The following CDC27 variants were observed in gnomAD, a reference collection of about 807,000 sequenced individuals.
CDC27 encodes cell division cycle protein 27 homolog.
CDC27 carries 27 observed loss-of-function variants against 109.7 expected under a neutral mutation model. That is an observed-to-expected ratio of 0.25 (90% confidence interval 0.18 to 0.34). The LOEUF is 0.34. CDC27 is among the 10% of genes least tolerant of loss of function. The probability of loss-of-function intolerance (pLI) is 1.00; values close to 1 mark genes in which losing one functional copy is unlikely to be tolerated. For synonymous variants in CDC27, 266 were observed against 333.9 expected (o/e 0.80, Z 2.22); for missense variants, 579 against 960.2 (o/e 0.60, Z 5.25).
chr17:47,154,579 T>C, intron 8 of CDC27, 93 bp downstream of exon 8: 1 of 669,642 alleles, frequency 1.5e-6, no homozygotes. Flanking sequence ...AGCAATTACA[T>C]AAAGTAAGAT....
intron 6 of CDC27, 49 bp from the exon 7 acceptor site, chr17:47,157,173 C>T (rs1289527875): frequency 6.5e-7 from 1 of 1,548,714 alleles, no homozygotes; most frequent in Non-Finnish European, 8.8e-7. Context: ...TTATTTAGTT[C>T]AGATCATTCT....
At chr17:47,158,371 T>C in intron 4 of CDC27, 68 bp from the exon 5 acceptor site, 1 of 713,828 alleles carries the variant, frequency 1.4e-6, no homozygotes, top group Non-Finnish European at 2.1e-6. Context: ...ACTTTTAGTA[T>C]AAAAAATTAG....
At chr17:47,147,485 G>A (rs2063004745) in intron 9 of CDC27, among the ~76,000 whole-genome samples, 1 of 150,736 alleles carries the variant, frequency 6.6e-6, no homozygotes, top group Non-Finnish European at 1.5e-5. Flanking sequence ...ACAATGAAGA[G>A]GAAAAGTAAT....
intron 8 of CDC27, among the ~76,000 whole-genome samples, chr17:47,154,358 ATTT>A (rs1364281836): frequency 6.6e-6 from 1 of 152,176 alleles, no homozygotes; most frequent in African/African-American, 2.4e-5. Flanking sequence ...AACAATATTA[ATTT>A]TGTTTTTTAA....
chr17:47,144,024 A>ACC, intron 9 of CDC27, 42 bp from the exon 10 acceptor site: 1 of 778,484 alleles, frequency 1.3e-6, no homozygotes, highest in Non-Finnish European at 1.9e-6. Context: ...ATTTTACTTG[A>ACC]TTTATGACCA....
At position 47,120,788 on chromosome 17, in the gene CDC27, T is replaced by A. The variant is rs529040551; in HGVS notation, c.*147A>T. ...GCACTGCCTTTCATTCTGTATACAG[T>A]CAGGGTCCAATGAAAGTGGCACACT... On this transcript the variant is annotated 3_prime_UTR_variant, in exon 19 of 19. Transcript: ENST00000066544. The A allele has an allele frequency of 1.5e-4, 96 of 620,114 alleles. 2 individuals are homozygous for A. The South Asian group carries it at 1.8e-3, about 12-fold the overall frequency. 38.4% of individuals were successfully genotyped at this position (620,114 alleles called of 1,614,324 possible). A position where few individuals can be genotyped will look rare whatever the true frequency, so the allele number is the denominator to read the frequency against.
At chr17:47,133,589 G>A (rs561758500) in intron 14 of CDC27, among the ~76,000 whole-genome samples, 46 of 150,080 alleles carry the variant, frequency 3.1e-4, no homozygotes, top group African/African-American at 1.1e-3. Context: ...ACAGGCATGC[G>A]CCACCACACC....
At chr17:47,185,333 C>T (rs2149016825) in intron 1 of CDC27, among the ~76,000 whole-genome samples, 1 of 152,160 alleles carries the variant, frequency 6.6e-6, no homozygotes, top group Non-Finnish European at 1.5e-5. Context: ...TGCCTGCCAC[C>T]ATGCCCGGCT....
intron 16 of CDC27, 101 bp downstream of exon 16, chr17:47,129,292 C>T: frequency 1.1e-6 from 1 of 924,868 alleles, no homozygotes; most frequent in Non-Finnish European, 1.6e-6. Flanking sequence ...AAAAATGTCT[C>T]AGATCAAAAT....
At chr17:47,127,169 G>A (rs1337926824) in intron 16 of CDC27, among the ~76,000 whole-genome samples, 1 of 152,072 alleles carries the variant, frequency 6.6e-6, no homozygotes, top group Non-Finnish European at 1.5e-5. Context: ...TGTAGTCCTG[G>A]GTACAAGGAA....
chr17:47,118,568 T>C lies in CDC27; in HGVS notation c.*2367A>G, dbSNP rs879094621. 3 of 152,590 alleles carry C rather than the reference T, an allele frequency of 2.0e-5. No homozygotes were observed. The South Asian group carries it at 6.2e-4, about 32-fold the overall frequency. The allele number at this position is 152,590 out of a possible 1,614,324, so 9.5% of individuals were successfully genotyped here. On this transcript the variant is annotated 3_prime_UTR_variant, in exon 19 of 19. Transcript: ENST00000066544. ...ATAAAAGTCATGGCAAAAACCACAA[T>C]TACTTATGCACCAACCTAATATATG...
intron 4 of CDC27, among the ~76,000 whole-genome samples, chr17:47,163,070 G>A (rs536972282): frequency 6.6e-6 from 1 of 152,102 alleles, no homozygotes; most frequent in Non-Finnish European, 1.5e-5. Context: ...AAAATTGAGT[G>A]ATACACACAA....
rs1023660502 is a variant in CDC27, at chr17:47,120,697, A to G, written c.*238T>C. Reference sequence around the variant, plus strand: ...AGAAAAACAGAAAAGAAAGTTCCCCACCCTACCCCCCATAAATTGTCATTC... The same window carrying G: ...AGAAAAACAGAAAAGAAAGTTCCCCGCCCTACCCCCCATAAATTGTCATTC... On this transcript the variant is annotated 3_prime_UTR_variant, in exon 19 of 19. Transcript: ENST00000066544. 2.0e-5 allele frequency: 8 copies of G among 395,664 alleles called. No homozygotes were observed. The highest frequency in any genetic ancestry group is 3.2e-5 in the Non-Finnish European group (7 of 221,126). 24.5% of individuals were successfully genotyped at this position (395,664 alleles called of 1,614,324 possible).
chr17:47,135,380 T>C (rs1383275455), intron 14 of CDC27, among the ~76,000 whole-genome samples: 1 of 152,020 alleles, frequency 6.6e-6, no homozygotes, highest in East Asian at 1.9e-4. Context: ...ATGGTTTATA[T>C]TACGGAGACT....
At chr17:47,132,987 G>GCA (rs2062401537) in intron 14 of CDC27, among the ~76,000 whole-genome samples, 1 of 48,614 alleles carries the variant, frequency 2.1e-5, no homozygotes, top group Non-Finnish European at 3.8e-5. Context: ...TTGCCCAGGC[G>GCA]CATATATATA....
chr17:47,164,486 T>C (rs1047593397), intron 4 of CDC27, among the ~76,000 whole-genome samples: 14 of 152,220 alleles, frequency 9.2e-5, no homozygotes, highest in African/African-American at 3.1e-4. Context: ...ATAACCATAG[T>C]ACAGTTATCA....
At chr17:47,184,498 G>A (rs1314387966) in intron 1 of CDC27, among the ~76,000 whole-genome samples, 1 of 152,034 alleles carries the variant, frequency 6.6e-6, no homozygotes, top group African/African-American at 2.4e-5. Context: ...AAAAGTCCTA[G>A]AGCTTTGAAA....
intron 4 of CDC27, among the ~76,000 whole-genome samples, chr17:47,160,427 G>C (rs2063464844): frequency 6.6e-6 from 1 of 151,990 alleles, no homozygotes; most frequent in Non-Finnish European, 1.5e-5. Flanking sequence ...GGTTTCACCA[G>C]GTTGGCCAGG....
chr17:47,134,793 T>C, intron 14 of CDC27, among the ~76,000 whole-genome samples: 1 of 150,654 alleles, frequency 6.6e-6, no homozygotes, highest in African/African-American at 2.4e-5. Flanking sequence ...TTCTTTTTTT[T>C]TTTTTTTTTT....
Sources: allele counts gnomAD v4.1 joint callset (sites outside exome capture counted in the v4.1 genomes callset), GRCh38; gene constraint gnomAD v4.1.1; transcripts MANE v1.5; gene names NCBI Gene and HGNC (gene_info 2026-07-23, HGNC 2026-07-21).